The following MAOA variants were observed in gnomAD, a reference collection of about 807,000 sequenced individuals.
MAOA encodes amine oxidase [flavin-containing] A.
Under a neutral mutation model 42.0 loss-of-function variants are expected in MAOA, and 6 were observed. That is an observed-to-expected ratio of 0.14 (90% CI 0.08 to 0.28). The LOEUF is 0.28. Ranked by LOEUF, MAOA falls within the 10% of genes least tolerant of loss-of-function variation. MAOA has a pLI of 1.00. For missense variants in MAOA, 262 were observed against 422.3 expected, an observed-to-expected ratio of 0.62 and a Z score of 3.33; for synonymous variants, 140 against 154.0, an observed-to-expected ratio of 0.91 and a Z score of 0.67.
At chrX:43,683,473 C>A in intron 1 of MAOA, 40 bp from the exon 2 acceptor site, 2 of 982,767 alleles carry the variant, frequency 2.0e-6, no homozygotes, top group Non-Finnish European at 2.9e-6. Flanking sequence ...GGATTTTAAG[C>A]ATTTGAATGT....
intron 3 of MAOA, among the ~76,000 whole-genome samples, chrX:43,709,176 G>A (rs1230926753): frequency 9.1e-6 from 1 of 110,379 alleles, no homozygotes; most frequent in Non-Finnish European, 1.9e-5. Flanking sequence ...AAAATATTCC[G>A]TGGCTCCCAT....
At chrX:43,696,590 G>A (rs147565970) in intron 3 of MAOA, among the ~76,000 whole-genome samples, 3 of 110,477 alleles carry the variant, frequency 2.7e-5, no homozygotes, top group East Asian at 2.9e-4. Flanking sequence ...TTAGCCGGGC[G>A]TGCTGGCAGG....
At chrX:43,713,670 TTA>T (rs2033716074) in intron 5 of MAOA, among the ~76,000 whole-genome samples, 1 of 111,311 alleles carries the variant, frequency 9.0e-6, no homozygotes, top group Non-Finnish European at 1.9e-5. Context: ...CTCATGGAGT[TTA>T]TGTTTTTCTA....
intron 14 of MAOA, 49 bp from the exon 15 acceptor site, chrX:43,744,317 CT>C: frequency 8.3e-7 from 1 of 1,199,593 alleles, no homozygotes; most frequent in Non-Finnish European, 1.1e-6. Flanking sequence ...TGTTTTGTTC[CT>C]CCTTGTCAGC....
chrX:43,742,112 T>C, intron 12 of MAOA, 65 bp downstream of exon 12: 2 of 1,196,288 alleles, frequency 1.7e-6, no homozygotes, highest in East Asian at 3.0e-5. Flanking sequence ...AAAAGCAGAG[T>C]TCAATGCAAA....
At position 43,728,184 on chromosome X, in the gene MAOA, G is replaced by A. The variant is rs58524323; in HGVS notation, c.515G>A (p.Arg172Gln). Reference sequence around the variant, plus strand: ...TGTTCTATGAACAGGACTGCTAGGCGGTTTGCTTATCTTTTTGTGAATATC... The same window carrying A: ...TGTTCTATGAACAGGACTGCTAGGCAGTTTGCTTATCTTTTTGTGAATATC... ...DKICWTKTAR[R>Q]FAYLFVNINV... Residue 172 changes from arginine (R) to glutamine (Q), a missense_variant, in exon 6 of 15, where the codon CGG becomes CAG. Coordinates refer to ENST00000338702, the MANE Select transcript of MAOA (RefSeq NM_000240.4). The A allele has an allele frequency of 4.2e-4, 506 of 1,208,915 alleles. 2 individuals carry two copies. In the African/African-American group the frequency reaches 7.4e-3, roughly 18 times the overall value.
intron 3 of MAOA, among the ~76,000 whole-genome samples, chrX:43,700,831 G>A (rs1028310069): frequency 8.9e-5 from 10 of 111,960 alleles, no homozygotes; most frequent in African/African-American, 2.9e-4. Context: ...TAACAAAAAA[G>A]GAAAGGATTT....
At chrX:43,690,412 C>G (rs2033523482) in intron 2 of MAOA, among the ~76,000 whole-genome samples, 1 of 110,619 alleles carries the variant, frequency 9.0e-6, no homozygotes, top group African/African-American at 3.3e-5. Context: ...TTTCTTTTCC[C>G]CTGCTCCTAG....
At chrX:43,738,302 CAAAAATTTTTA>C (rs2033935509) in intron 10 of MAOA, among the ~76,000 whole-genome samples, 1 of 111,930 alleles carries the variant, frequency 8.9e-6, no homozygotes, top group Admixed American at 9.5e-5. Context: ...ATATCTTTTC[CAAAAATTTTTA>C]ATTTTAAAGG....
chrX:43,728,628 T>A (rs2033857488), intron 6 of MAOA, among the ~76,000 whole-genome samples: 1 of 112,391 alleles, frequency 8.9e-6, no homozygotes, highest in Non-Finnish European at 1.9e-5. Flanking sequence ...TTCCAAAAAA[T>A]TCTAGAAATT....
chrX:43,731,257 G>C lies in MAOA; in HGVS notation c.662G>C (p.Gly221Ala), dbSNP rs750174700. The C allele has an allele frequency of 1.7e-6, 2 of 1,208,790 alleles. No individual in the cohort carries two copies. Residue 221 changes from glycine to alanine, a missense_variant, in exon 7 of 15, where the codon GGT becomes GCT. Gly to Ala is a moderately conservative substitution (Grantham distance 60). Transcript: ENST00000338702. ...CTCCTGTAGGAACGGAAGTTTGTAG[G>C]TGGATCTGGTCAAGTGAGCGAACGG... ...TNGGQERKFV[G>A]GSGQVSERIM...
At chrX:43,685,160 A>G (rs1365445833) in intron 2 of MAOA, among the ~76,000 whole-genome samples, 1 of 111,103 alleles carries the variant, frequency 9.0e-6, no homozygotes, top group East Asian at 2.8e-4. Context: ...GATAACAGGC[A>G]TGAGCCACCG....
In MAOA at chrX:43,656,401, A is replaced by C; in HGVS notation, c.60A>C (p.Gly20=). The part of the protein sequence containing the change: ...AGHMFDVVVI[G]GGISGLSAAK... ...ACATGTTCGACGTAGTCGTGATCGGAGGTGGCATTTCAGGTCAGTGTGGAC... is the reference window on the plus strand; with the variant it reads ...ACATGTTCGACGTAGTCGTGATCGGCGGTGGCATTTCAGGTCAGTGTGGAC... Residue 20 remains glycine (G), a synonymous_variant, in exon 1 of 15, where the codon GGA becomes GGC. Coordinates refer to ENST00000338702, the MANE Select transcript of MAOA (RefSeq NM_000240.4). 8.3e-7 allele frequency: 1 copy of C among 1,211,035 alleles called. No homozygotes were observed. Among genetic ancestry groups the C allele is most frequent in the Non-Finnish European group, 1.1e-6 (1 of 894,976 alleles).
At chrX:43,729,898 G>C (rs1302250262) in intron 6 of MAOA, among the ~76,000 whole-genome samples, 1 of 111,545 alleles carries the variant, frequency 9.0e-6, no homozygotes, top group Admixed American at 9.5e-5. Flanking sequence ...TGAGGAATCT[G>C]TTAGGAATCT....
At chrX:43,727,443 G>A (rs2033847744) in intron 5 of MAOA, among the ~76,000 whole-genome samples, 1 of 112,180 alleles carries the variant, frequency 8.9e-6, no homozygotes, top group African/African-American at 3.2e-5. Flanking sequence ...GAACTTCCTG[G>A]TGGCTTTGTT....
At chrX:43,721,709 C>G (rs1013871843) in intron 5 of MAOA, among the ~76,000 whole-genome samples, 9 of 107,898 alleles carry the variant, frequency 8.3e-5, no homozygotes, top group Admixed American at 6.9e-4. Flanking sequence ...TTTAATTATA[C>G]TTTAAGTGCT....
At chrX:43,721,917 C>T (rs1202979629) in intron 5 of MAOA, among the ~76,000 whole-genome samples, 1 of 111,099 alleles carries the variant, frequency 9.0e-6, no homozygotes, top group African/African-American at 3.3e-5. Flanking sequence ...TCAACTCTCA[C>T]TTATGAGTGA....
intron 5 of MAOA, among the ~76,000 whole-genome samples, chrX:43,720,316 G>A (rs1047595685): frequency 9.1e-6 from 1 of 109,743 alleles, no homozygotes; most frequent in African/African-American, 3.3e-5. Context: ...GAGACAAGAA[G>A]GGCAGATGGT....
rs1261193513 is a variant in MAOA, at chrX:43,744,263, A to G, written c.1437+92A>G. On this transcript the variant is annotated intron_variant, in intron 14 of 14. Coordinates refer to ENST00000338702, the MANE Select transcript of MAOA (RefSeq NM_000240.4). ...CCTTCTTCTAGCCTCCGATTTAATT[A>G]TAGATGCAACTATCCCAGGGGTCTC... is the stretch of plus-strand genomic sequence containing the variant. The G allele has an allele frequency of 1.1e-5, 12 of 1,117,462 alleles. No homozygotes were observed. In the Admixed American group the frequency reaches 2.2e-4, roughly 21 times the overall value. 92.1% of individuals were successfully genotyped at this position (1,117,462 alleles called of 1,213,427 possible).
Sources: gnomAD v4.1 joint callset for allele counts (sites outside exome capture counted in the v4.1 genomes callset) on GRCh38, gnomAD v4.1.1 for gene constraint, MANE v1.5 for transcripts, NCBI Gene and HGNC (gene_info 2026-07-23, HGNC 2026-07-21) for gene names.